Variants in ZBTB21 observed in about 807,000 individuals in gnomAD.
The protein encoded by ZBTB21 is zinc finger and BTB domain containing 21.
In ZBTB21, 10 loss-of-function variants were observed where a neutral mutation model predicts 39.8. The ratio of observed to expected loss-of-function variants is 0.25; its 90% confidence interval spans 0.16 to 0.43. ZBTB21 has a LOEUF of 0.43. Ranked by LOEUF, ZBTB21 falls within the 20% of genes least tolerant of loss-of-function variation. ZBTB21 has a pLI of 1.00. For missense variants in ZBTB21, 1,221 were observed against 1,296.3 expected (o/e 0.94, Z 0.89); for synonymous variants, 551 against 498.8 (o/e 1.10, Z -1.40).
At chr21:41,996,269 C>T (rs1224145906) in intron 2 of ZBTB21, among the ~76,000 whole-genome samples, 1 of 152,230 alleles carries the variant, frequency 6.6e-6, no homozygotes, top group African/African-American at 2.4e-5. Flanking sequence ...CCCATAAAAG[C>T]AGCCAGGAGT....
intron 2 of ZBTB21, among the ~76,000 whole-genome samples, chr21:42,000,756 G>A (rs1290620026): frequency 6.6e-6 from 1 of 152,104 alleles, no homozygotes; most frequent in Non-Finnish European, 1.5e-5. Flanking sequence ...CAATAATAAA[G>A]TCATTCAAAG....
At position 41,993,044 on chromosome 21, in the gene ZBTB21, G is replaced by C; in HGVS notation, c.1052C>G (p.Pro351Arg). Residue 351 changes from proline to arginine, a missense_variant, in exon 3 of 3, where the codon CCT (proline) becomes CGT (arginine). Physicochemically the swap from Pro to Arg is moderately radical, Grantham distance 103. This residue lies in a region of ZBTB21 where 500 missense variants were observed against 465.6 expected (regional missense o/e 1.07). Coordinates refer to ENST00000310826, the MANE Select transcript of ZBTB21 (RefSeq NM_001098402.2). The stretch of plus-strand genomic sequence containing the variant: ...CAAATCTATGGAAGGTGAATAGACA[G>C]GAACCTGGCTATCCATCGACAATGA... ...RRSLSMDSQV[P>R]VYSPSIDLKS... The C allele has an allele frequency of 6.2e-7, 1 of 1,614,254 alleles. No individual in the cohort carries two copies. The highest frequency in any genetic ancestry group is 8.5e-7 in the Non-Finnish European group (1 of 1,180,052).
rs2065604801 is a variant in ZBTB21, at chr21:41,988,282, TA to T, written c.*2612del. On this transcript the variant is annotated 3_prime_UTR_variant, in exon 3 of 3. Transcript: ENST00000310826. ...ATTTTACATTCTTTCCACAACTGCA[TA>T]AAAAAGCAGGCATCCTGCATACTTA... 1 of 152,186 alleles carries T rather than the reference TA, an allele frequency of 6.6e-6. No individual in the cohort carries two copies. The highest frequency in any genetic ancestry group is 2.4e-5 in the African/African-American group (1 of 41,444). The allele number at this position is 152,186 out of a possible 1,614,324, so 9.4% of individuals were successfully genotyped here.
chr21:42,000,915 T>TTA (rs2146321342), intron 2 of ZBTB21, among the ~76,000 whole-genome samples: 1 of 152,328 alleles, frequency 6.6e-6, no homozygotes, highest in African/African-American at 2.4e-5. Context: ...CAGAATAACT[T>TTA]TATAGAGTAT....
chr21:41,989,346 C>G lies in ZBTB21; in HGVS notation c.*1549G>C, dbSNP rs190930340. The G allele has an allele frequency of 2.5e-3, 387 of 152,150 alleles. 4 individuals are homozygous for G. The highest frequency in any genetic ancestry group is 8.9e-3 in the African/African-American group (371 of 41,542). 9.4% of individuals were successfully genotyped at this position (152,150 alleles called of 1,614,324 possible). On this transcript the variant is annotated 3_prime_UTR_variant, in exon 3 of 3. Coordinates refer to ENST00000310826, the MANE Select transcript of ZBTB21 (RefSeq NM_001098402.2). ...ATGTTGGCAATAAGATTGATGGGTA[C>G]AGAGTTATTTTCTGCTAGAGCACAA...
rs1233862365 is a variant in ZBTB21 at position 41,993,264 on chromosome 21, G to C, written c.832C>G (p.Pro278Ala). 1.2e-6 allele frequency: 2 copies of C among 1,612,012 alleles called. No homozygotes were observed. The highest frequency in any genetic ancestry group is 1.7e-6 in the Non-Finnish European group (2 of 1,180,024). ...GATGAGCTACAAACAGACAAAACAG[G>C]TGGCCGTGGTCTCTTCAAAGCCAGC... is the stretch of plus-strand genomic sequence containing the variant. ...LELALKRPRP[P>A]VLSVCSSSET... is the part of the protein sequence containing the mutation. The change falls in exon 3 of 3, where the codon CCT becomes GCT. Residue 278 changes from proline to alanine, a missense_variant. Pro to Ala is a conservative substitution (Grantham distance 27). Transcript: ENST00000310826.
intron 2 of ZBTB21, chr21:42,002,572 A>G (rs1213847718): frequency 6.6e-6 from 1 of 152,196 alleles, no homozygotes; most frequent in Non-Finnish European, 1.5e-5. Context: ...ATCTAGACCG[A>G]TAAGTTTGCT....
chr21:42,003,402 G>A (rs1189888443), intron 1 of ZBTB21, among the ~76,000 whole-genome samples: 2 of 152,168 alleles, frequency 1.3e-5, no homozygotes, highest in Non-Finnish European at 2.9e-5. Flanking sequence ...AATTAACAAA[G>A]GATGTGAAGA....
rs573170303 is a variant in ZBTB21 at position 41,989,527 on chromosome 21, A to G, written c.*1368T>C. 2.6e-5 allele frequency: 4 copies of G among 152,270 alleles called. No individual in the cohort carries two copies. The highest frequency in any genetic ancestry group is 7.2e-5 in the African/African-American group (3 of 41,568). 9.4% of individuals were successfully genotyped at this position (152,270 alleles called of 1,614,324 possible). ...CATCTAACTCCCACCCCCACAAGTA[A>G]AAGTTTTCCCTTTTGAAACACATTG... On this transcript the variant is annotated 3_prime_UTR_variant, in exon 3 of 3. Transcript: ENST00000310826.
At chr21:41,997,932 C>T (rs534043269) in intron 2 of ZBTB21, among the ~76,000 whole-genome samples, 1 of 151,950 alleles carries the variant, frequency 6.6e-6, no homozygotes, top group African/African-American at 2.4e-5. Flanking sequence ...GATCCCTCAC[C>T]TGAGTTAGGA....
intron 1 of ZBTB21, among the ~76,000 whole-genome samples, chr21:42,008,540 C>CAAAAAAAAAAAAAAAAAAAAA (rs68176203): frequency 9.9e-5 from 6 of 60,370 alleles, no homozygotes; most frequent in African/African-American, 3.6e-4. Context: ...GAAACTCTGT[C>CAAAAAAAAAAAAAAAAAAAAA]AAAAAAAAAA....
chr21:42,009,112 G>A (rs1479062757), intron 1 of ZBTB21: 2 of 151,938 alleles, frequency 1.3e-5, no homozygotes, highest in Non-Finnish European at 2.9e-5. Flanking sequence ...CTCGGTGCCA[G>A]GGCTGTGAGC....
chr21:41,992,253 C>G lies in ZBTB21; in HGVS notation c.1843G>C (p.Asp615His). The G allele has an allele frequency of 6.2e-7, 1 of 1,614,118 alleles. No homozygotes were observed. The highest frequency in any genetic ancestry group is 8.5e-7 in the Non-Finnish European group (1 of 1,180,042). ...ATCAGCTTTCTTTGGAATTTTTCAT[C>G]CAAAACAGCATGTGAACTAGAGGCT... The part of the protein sequence containing the change: ...SPASSSHAVL[D>H]EKFQRKLIDI... The change falls in exon 3 of 3, where the codon GAT becomes CAT. Residue 615 changes from aspartate to histidine, a missense_variant. Transcript: ENST00000310826. The surrounding 1 kb of genome is among the most constrained non-coding windows in gnomAD (Gnocchi z 4.1).
chr21:42,009,856 G>A (rs1332737191), intron 1 of ZBTB21, among the ~76,000 whole-genome samples: 1 of 152,136 alleles, frequency 6.6e-6, no homozygotes, highest in Non-Finnish European at 1.5e-5. Context: ...AGGAGAACGC[G>A]CCCTTCTCCA....
chr21:41,997,502 G>A (rs2065762528), intron 2 of ZBTB21, among the ~76,000 whole-genome samples: 1 of 151,670 alleles, frequency 6.6e-6, no homozygotes, highest in Non-Finnish European at 1.5e-5. Context: ...CTTAAGCCTG[G>A]GAAGTGGAGG....
At chr21:42,003,182 G>GTT (rs957524280) in intron 1 of ZBTB21, among the ~76,000 whole-genome samples, 1 of 152,208 alleles carries the variant, frequency 6.6e-6, no homozygotes, top group Non-Finnish European at 1.5e-5. Context: ...ATGAAGGACA[G>GTT]AAGAGGCAAC....
At chr21:42,009,557 G>A (rs1176151535) in intron 1 of ZBTB21, 1 of 152,276 alleles carries the variant, frequency 6.6e-6, no homozygotes, top group Non-Finnish European at 1.5e-5. Context: ...GCTATGCTCT[G>A]CGGGACCGCC....
At position 41,991,791 on chromosome 21, in the gene ZBTB21, T is replaced by G. The variant is rs1288961472; in HGVS notation, c.2305A>C (p.Lys769Gln). ...CAGGTCAGCTTCTTATACTCACACT[T>G]GCTCTCGTGTTCTTGCTTCAGCTCG... Reference protein sequence around the residue: ...SPELKQEHESKCEYKKLTCLE... With the variant: ...SPELKQEHESQCEYKKLTCLE... Residue 769 changes from lysine (K) to glutamine (Q), a missense_variant, in exon 3 of 3, where the codon AAG (lysine) becomes CAG (glutamine). This residue lies in a region of ZBTB21 where 523 missense variants were observed against 542.5 expected (regional missense o/e 0.96). Transcript: ENST00000310826. The surrounding 1 kb of genome is among the most constrained non-coding windows in gnomAD (Gnocchi z 4.9). 6.2e-7 allele frequency: 1 copy of G among 1,614,256 alleles called. No individual in the cohort carries two copies. The highest frequency in any genetic ancestry group is 1.7e-5 in the Admixed American group (1 of 60,032).
chr21:42,008,566 A>AAAAAGAAAAG (rs201616852), intron 1 of ZBTB21, among the ~76,000 whole-genome samples: 39 of 138,922 alleles, frequency 2.8e-4, no homozygotes, highest in African/African-American at 9.8e-4. Flanking sequence ...AAAAAAAGAA[A>AAAAAGAAAAG]AAAAGAAAAG....
Sources: gnomAD v4.1 joint callset for allele counts (sites outside exome capture counted in the v4.1 genomes callset) on GRCh38, gnomAD v4.1.1 for gene constraint, gnomAD v4.1.1 regional missense constraint, Gnocchi (gnomAD v3.1) non-coding constraint, MANE v1.5 for transcripts, NCBI Gene and HGNC (gene_info 2026-07-23, HGNC 2026-07-21) for gene names.